Variants in MATCAP2 observed in about 807,000 individuals in gnomAD.
MATCAP2 encodes microtubule associated tyrosine carboxypeptidase 2, also known as putative tyrosine carboxypeptidase MATCAP2.
chr7:36,349,336 C>T, the MATCAP2 span, among the ~76,000 whole-genome samples: 1 of 152,020 alleles, frequency 6.6e-6, no homozygotes, highest in Admixed American at 6.6e-5. Context: ...AGAAACAGAC[C>T]AAAATATTTC....
the MATCAP2 span, among the ~76,000 whole-genome samples, chr7:36,348,206 A>G: frequency 1.6e-3 from 244 of 152,328 alleles, no homozygotes; most frequent in African/African-American, 5.7e-3. Flanking sequence ...GAAAAGCAAG[A>G]TACTAAATGA....
chr7:36,386,072 T>A, the MATCAP2 span, among the ~76,000 whole-genome samples: 1 of 151,868 alleles, frequency 6.6e-6, no homozygotes, highest in Non-Finnish European at 1.5e-5. Context: ...GGAGAATCGC[T>A]TGAACCCGGG....
At chr7:36,381,755 T>G in the MATCAP2 span, among the ~76,000 whole-genome samples, 1 of 151,396 alleles carries the variant, frequency 6.6e-6, no homozygotes, top group Non-Finnish European at 1.5e-5. Flanking sequence ...GCCTATTAAG[T>G]GCCAGGCATG....
the MATCAP2 span, among the ~76,000 whole-genome samples, chr7:36,352,840 A>G: frequency 6.6e-6 from 1 of 151,730 alleles, no homozygotes; most frequent in African/African-American, 2.4e-5. Context: ...AAAAAAAAAA[A>G]AGTATTATGT....
At chr7:36,361,800 C>T in the MATCAP2 span, among the ~76,000 whole-genome samples, 19 of 152,232 alleles carry the variant, frequency 1.2e-4, no homozygotes, top group East Asian at 1.5e-3. Context: ...AATTGTGGTA[C>T]GCTCATATAA....
chr7:36,347,276 T>A, the MATCAP2 span, among the ~76,000 whole-genome samples: 1 of 152,240 alleles, frequency 6.6e-6, no homozygotes, highest in Non-Finnish European at 1.5e-5. Context: ...AAAATCTCAG[T>A]ATTTTGTTTA....
the MATCAP2 span, among the ~76,000 whole-genome samples, chr7:36,352,217 G>A: frequency 1.3e-5 from 2 of 149,232 alleles, no homozygotes; most frequent in South Asian, 2.1e-4. Context: ...CCAACATGGC[G>A]AAACCCTGTC....
the MATCAP2 span, among the ~76,000 whole-genome samples, chr7:36,371,846 C>A: frequency 6.6e-6 from 1 of 151,878 alleles, no homozygotes; most frequent in East Asian, 1.9e-4. Context: ...TGGGCTCAAG[C>A]GATCCTCCCA....
chr7:36,324,932 A>G, the MATCAP2 span: 1 of 152,334 alleles, frequency 6.6e-6, no homozygotes, highest in Middle Eastern at 3.4e-3. Context: ...TTTCCTTTAT[A>G]TTTAAATCAT....
chr7:36,357,335 C>A, the MATCAP2 span: 1 of 1,614,108 alleles, frequency 6.2e-7, no homozygotes, highest in Non-Finnish European at 8.5e-7. Flanking sequence ...ATCTTTGCTA[C>A]GAGAAGTGTT....
the MATCAP2 span, among the ~76,000 whole-genome samples, chr7:36,372,330 A>C: frequency 6.6e-6 from 1 of 152,342 alleles, no homozygotes; most frequent in Admixed American, 6.5e-5. Context: ...AGGAGGAAAA[A>C]AAAAGAAATC....
At chr7:36,389,652 G>A in the MATCAP2 span, among the ~76,000 whole-genome samples, 1 of 152,260 alleles carries the variant, frequency 6.6e-6, no homozygotes, top group African/African-American at 2.4e-5. Flanking sequence ...CGACGCCGTT[G>A]GAGAGCAGGA....
chr7:36,334,276 C>T, the MATCAP2 span: 1 of 826,458 alleles, frequency 1.2e-6, no homozygotes, highest in Middle Eastern at 3.4e-4. Flanking sequence ...GTGGCTCATG[C>T]CTGTAATCCC....
the MATCAP2 span, among the ~76,000 whole-genome samples, chr7:36,361,187 A>G: frequency 1.3e-5 from 2 of 152,234 alleles, no homozygotes; most frequent in African/African-American, 2.4e-5. Context: ...GATTCCTGAC[A>G]TCCATTCCCA....
At chr7:36,330,418 G>GA in the MATCAP2 span, among the ~76,000 whole-genome samples, 4,482 of 151,354 alleles carry the variant, frequency 0.03, 91 homozygotes, top group African/African-American at 0.036. Context: ...ACAATGTCAT[G>GA]AAAAAAAACA....
the MATCAP2 span, chr7:36,367,113 A>T: frequency 8.1e-7 from 1 of 1,234,628 alleles, no homozygotes; most frequent in Non-Finnish European, 1.0e-6. Flanking sequence ...AGACGTACCG[A>T]CACTGACTGT....
chr7:36,357,884 G>C, the MATCAP2 span, among the ~76,000 whole-genome samples: 4 of 152,124 alleles, frequency 2.6e-5, no homozygotes, highest in African/African-American at 9.7e-5. Flanking sequence ...TAAATAATCT[G>C]AATACTTGAT....
At chr7:36,325,162 G>A in the MATCAP2 span, 1 of 152,232 alleles carries the variant, frequency 6.6e-6, no homozygotes, top group Non-Finnish European at 1.5e-5. Flanking sequence ...TGTAAGAGCA[G>A]ATTCTAGTGT....
At chr7:36,368,800 A>C in the MATCAP2 span, among the ~76,000 whole-genome samples, 1 of 152,102 alleles carries the variant, frequency 6.6e-6, no homozygotes, top group Non-Finnish European at 1.5e-5. Context: ...AATTCCAGGC[A>C]CTATTTCACC....
Sources: allele counts gnomAD v4.1 joint callset (sites outside exome capture counted in the v4.1 genomes callset), GRCh38; gene constraint gnomAD v4.1.1; transcripts MANE v1.5; gene names NCBI Gene and HGNC (gene_info 2026-07-23, HGNC 2026-07-21).